The following TIPARP variants were observed in gnomAD, a reference collection of about 807,000 sequenced individuals.
The protein encoded by TIPARP is protein mono-ADP-ribosyltransferase TIPARP.
TIPARP carries 12 observed loss-of-function variants against 56.5 expected under a neutral mutation model. The observed-to-expected ratio is 0.21, with a 90% CI of 0.14 to 0.34. The LOEUF (loss-of-function observed/expected upper bound fraction) is 0.34. Ranked by LOEUF, TIPARP falls within the 10% of genes least tolerant of loss-of-function variation. The pLI is 1.00. For missense variants in TIPARP, 604 were observed against 781.6 expected (o/e 0.77, Z 2.71); for synonymous variants, 296 against 265.7 (o/e 1.11, Z -1.11).
Position 156,705,371 on chromosome 3 carries a change from T to G in TIPARP, c.*240T>G, listed in dbSNP as rs1722955245. ...ACTCAGTGTGGAAAAGACTACAGATTACACACTCTTTTCATTCACACTTGT... is the reference window on the plus strand; with the variant it reads ...ACTCAGTGTGGAAAAGACTACAGATGACACACTCTTTTCATTCACACTTGT... On this transcript the variant is annotated 3_prime_UTR_variant, in exon 6 of 6. Transcript: ENST00000295924. 2 of 375,070 alleles carry G rather than the reference T, an allele frequency of 5.3e-6. No homozygotes were observed. Among genetic ancestry groups the G allele is most frequent in the Non-Finnish European group, 9.6e-6 (2 of 207,748 alleles). 23.2% of individuals were successfully genotyped at this position (375,070 alleles called of 1,614,324 possible).
In TIPARP at chr3:156,678,282, A is replaced by C. The variant is rs756921015; in HGVS notation, c.585A>C (p.Thr195=). 21 of 1,614,220 alleles carry C rather than the reference A, an allele frequency of 1.3e-5. No individual in the cohort carries two copies. In the South Asian group the frequency reaches 2.3e-4, roughly 18 times the overall value. The change falls in exon 2 of 6, where the codon ACA becomes ACC. Residue 195 remains threonine, a synonymous_variant. Coordinates refer to ENST00000295924, the MANE Select transcript of TIPARP (RefSeq NM_015508.5). The part of the protein sequence containing the change: ...VPGIFQENSF[T]IQYILDTSDK... ...GCATTTTCCAAGAAAACAGTTTTAC[A>C]ATCCAATACATTCTGGACACCAGTG... is the stretch of plus-strand genomic sequence containing the variant.
chr3:156,696,763 A>G (rs1722723194), intron 4 of TIPARP, among the ~76,000 whole-genome samples: 2 of 152,218 alleles, frequency 1.3e-5, no homozygotes, highest in South Asian at 2.1e-4. Context: ...GGAAATCATT[A>G]TCTACTCCAG....
chr3:156,704,729 A>G lies in TIPARP; in HGVS notation c.1572A>G (p.Ile524Met). ...GGAAAATGTTTGGCCGTGACAGGAT[A>G]ATAAATGAGAGACATTTATTTCATG... ...MNRKMFGRDRIINERHLFHGT... is the reference protein window; with the variant it reads ...MNRKMFGRDRMINERHLFHGT... Residue 524 changes from isoleucine (I) to methionine (M), a missense_variant, in exon 6 of 6, where the codon ATA becomes ATG. Physicochemically the swap from Ile to Met is conservative, Grantham distance 10. This residue lies in a region of TIPARP where 252 missense variants were observed against 303.9 expected (regional missense o/e 0.83). Transcript: ENST00000295924. The G allele has an allele frequency of 6.2e-7, 1 of 1,614,208 alleles. No individual in the cohort carries two copies. Among genetic ancestry groups the G allele is most frequent in the Non-Finnish European group, 8.5e-7 (1 of 1,180,014 alleles).
intron 4 of TIPARP, among the ~76,000 whole-genome samples, chr3:156,697,914 C>T (rs1032146630): frequency 6.6e-6 from 1 of 152,128 alleles, no homozygotes; most frequent in Non-Finnish European, 1.5e-5. Context: ...AAAAGCTAGG[C>T]CTCTTGTGCC....
chr3:156,693,873 T>C lies in TIPARP; in HGVS notation c.918-147T>C, dbSNP rs564445338. Reference sequence around the variant, plus strand: ...CTGTGGAAACAACCGGCAATAAATATGCTTTTACTCCAAGTAAAGCAAGTT... The same window carrying C: ...CTGTGGAAACAACCGGCAATAAATACGCTTTTACTCCAAGTAAAGCAAGTT... On this transcript the variant is annotated intron_variant, in intron 2 of 5. Coordinates refer to ENST00000295924, the MANE Select transcript of TIPARP (RefSeq NM_015508.5). 4.4e-6 allele frequency: 4 copies of C among 914,768 alleles called. No individual in the cohort carries two copies. The East Asian group carries it at 8.5e-5, about 19-fold the overall frequency. The allele number at this position is 914,768 out of a possible 1,614,324, so 56.7% of individuals were successfully genotyped here.
At chr3:156,696,756 A>G (rs956830983) in intron 4 of TIPARP, among the ~76,000 whole-genome samples, 11 of 152,188 alleles carry the variant, frequency 7.2e-5, no homozygotes, top group Admixed American at 2.0e-4. Flanking sequence ...TCTCTAGGGA[A>G]ATCATTATCT....
chr3:156,693,036 T>A (rs866776480), intron 2 of TIPARP, among the ~76,000 whole-genome samples: 2 of 152,168 alleles, frequency 1.3e-5, no homozygotes, highest in African/African-American at 4.8e-5. Flanking sequence ...TGCCTGTAGA[T>A]CTAGAGTATT....
Position 156,678,580 on chromosome 3 carries a change from A to G in TIPARP, c.883A>G (p.Asn295Asp), listed in dbSNP as rs138118991. Residue 295 changes from asparagine to aspartate, a missense_variant, in exon 2 of 6, where the codon AAC (asparagine) becomes GAC (aspartate). Physicochemically the swap from Asn to Asp is conservative, Grantham distance 23. Around this residue, in one of 4 missense-constraint regions of TIPARP, gnomAD observed 252 missense variants for 303.9 expected, o/e 0.83. Transcript: ENST00000295924. Reference sequence around the variant, plus strand: ...GGAGCACTTGGAAAGATTTTACTGTAACCCAGAAAATGATAGAATGAGAAT... The same window carrying G: ...GGAGCACTTGGAAAGATTTTACTGTGACCCAGAAAATGATAGAATGAGAAT... ...SQEHLERFYCNPENDRMRMKY... is the reference protein window; with the variant it reads ...SQEHLERFYCDPENDRMRMKY... 2.3e-4 allele frequency: 374 copies of G among 1,614,016 alleles called. 4 individuals carry two copies. In the South Asian group the frequency reaches 3.9e-3, roughly 17 times the overall value.
Position 156,704,804 on chromosome 3 carries a change from T to A in TIPARP, c.1647T>A (p.Pro549=), listed in dbSNP as rs984090911. ...VDGICKHNFD[P]RVCGKHATMF... ...GAATCTGCAAACACAACTTTGACCC[T>A]CGAGTCTGTGGAAAGCATGCTACAA... The change falls in exon 6 of 6, where the codon CCT becomes CCA. Residue 549 remains proline, a synonymous_variant. Transcript: ENST00000295924. 10 of 1,614,102 alleles carry A rather than the reference T, an allele frequency of 6.2e-6. No individual in the cohort carries two copies. The highest frequency in any genetic ancestry group is 8.5e-6 in the Non-Finnish European group (10 of 1,180,048).
intron 2 of TIPARP, among the ~76,000 whole-genome samples, chr3:156,685,057 AGAG>A (rs368159430): frequency 2.0e-5 from 3 of 152,256 alleles, no homozygotes. Flanking sequence ...CAGTCTGTGA[AGAG>A]GACAGTATTG....
chr3:156,675,410 G>A (rs1056569711), intron 1 of TIPARP: 4 of 152,394 alleles, frequency 2.6e-5, no homozygotes, highest in African/African-American at 9.6e-5. Context: ...AGGGGGTAAA[G>A]AAGAATTAGA....
intron 3 of TIPARP, 23 bp from the exon 4 acceptor site, chr3:156,695,842 T>TTTTGTTTTGTTTTTTTCTCCATAGTC: frequency 7.2e-7 from 1 of 1,396,938 alleles, no homozygotes; most frequent in South Asian, 1.8e-5. Flanking sequence ...TTTTTTTTTT[T>TTTTGTTTTGTTTTTTTCTCCATAGTC]TGTTCTGTTT....
At chr3:156,700,042 T>A (rs773775425) in intron 4 of TIPARP, among the ~76,000 whole-genome samples, 2 of 152,126 alleles carry the variant, frequency 1.3e-5, no homozygotes, top group Non-Finnish European at 2.9e-5. Context: ...TGTTTCTTTT[T>A]AAGTGGTTTT....
At chr3:156,699,011 T>C (rs1249949351) in intron 4 of TIPARP, among the ~76,000 whole-genome samples, 1 of 152,190 alleles carries the variant, frequency 6.6e-6, no homozygotes, top group Non-Finnish European at 1.5e-5. Context: ...GCAGATGTGG[T>C]GGCAATAGCA....
chr3:156,674,819 T>G (rs1303375545), intron 1 of TIPARP, 23 bp downstream of exon 1: 2 of 152,300 alleles, frequency 1.3e-5, no homozygotes, highest in Non-Finnish European at 2.9e-5. Flanking sequence ...GGGAGGGCAC[T>G]GAGGGGCTGA....
At chr3:156,703,767 A>G (rs1722909139) in intron 5 of TIPARP, 65 bp downstream of exon 5, 4 of 1,516,444 alleles carry the variant, frequency 2.6e-6, no homozygotes, top group Non-Finnish European at 2.6e-6. Context: ...TAATCCCAGC[A>G]CTTTGGGAGG....
chr3:156,689,496 A>G (rs1455032847), intron 2 of TIPARP, among the ~76,000 whole-genome samples: 1 of 152,222 alleles, frequency 6.6e-6, no homozygotes, highest in Non-Finnish European at 1.5e-5. Context: ...TCCACTGCCA[A>G]AAATAAATAA....
At position 156,677,782 on chromosome 3, in the gene TIPARP, C is replaced by G; in HGVS notation, c.85C>G (p.Leu29Val). 1.2e-6 allele frequency: 2 copies of G among 1,614,108 alleles called. No homozygotes were observed. The highest frequency in any genetic ancestry group is 2.7e-5 in the African/African-American group (2 of 75,018). Residue 29 changes from leucine (L) to valine (V), a missense_variant, in exon 2 of 6, where the codon CTC becomes GTC. By Grantham distance (32) the Leu-to-Val change is conservative (BLOSUM62 1). This residue lies in a region of TIPARP where 261 missense variants were observed against 279.2 expected (regional missense o/e 0.93). Transcript: ENST00000295924. ...TGATGACTTTTCATGCCAAATGAGA[C>G]TCTCTGAGAAGATCACTCCATTGAA... ...PPDDFSCQMR[L>V]SEKITPLKTC...
rs1722188437 is a variant in TIPARP, at chr3:156,677,905, G to A, written c.208G>A (p.Asp70Asn). Residue 70 changes from aspartate (D) to asparagine (N), a missense_variant, in exon 2 of 6, where the codon GAT becomes AAT. This residue lies in a region of TIPARP where 261 missense variants were observed against 279.2 expected (regional missense o/e 0.93). Coordinates refer to ENST00000295924, the MANE Select transcript of TIPARP (RefSeq NM_015508.5). ...LNTLLESGSL[D>N]GVFRSRNQST... ...CACTCTTCTAGAATCTGGCTCACTT[G>A]ATGGGGTTTTTAGATCTAGGAACCA... 3 of 1,614,148 alleles carry A rather than the reference G, an allele frequency of 1.9e-6. No individual in the cohort carries two copies. The highest frequency in any genetic ancestry group is 2.7e-5 in the African/African-American group (2 of 75,034).
Sources: gnomAD v4.1 joint callset for allele counts (sites outside exome capture counted in the v4.1 genomes callset) on GRCh38, gnomAD v4.1.1 for gene constraint, gnomAD v4.1.1 regional missense constraint, MANE v1.5 for transcripts, NCBI Gene and HGNC (gene_info 2026-07-23, HGNC 2026-07-21) for gene names.